Variants in FAM76A observed in about 807,000 individuals in gnomAD.
FAM76A encodes protein FAM76A.
Under a neutral mutation model 46.2 loss-of-function variants are expected in FAM76A, and 32 were observed. The ratio of observed to expected loss-of-function variants is 0.69; its 90% confidence interval spans 0.52 to 0.93. FAM76A has a LOEUF of 0.93. FAM76A is among the 40% of genes least tolerant of loss of function. The pLI is 0.00. For missense variants in FAM76A, 274 were observed against 361.5 expected (o/e 0.76, Z 1.96); for synonymous variants, 137 against 127.0 (o/e 1.08, Z -0.53).
In FAM76A at chr1:27,732,303, G is replaced by A. The variant is rs535284036; in HGVS notation, c.147-300G>A. On this transcript the variant is annotated intron_variant, in intron 2 of 8. Transcript: ENST00000373954. ...AAATTAGTTGGGTGTGGTGGTGCGC[G>A]CCTATGATTCCAGCTACTTGGGAGG... Among the ~76,000 whole-genome samples the A allele has an allele frequency of 3.3e-5, 5 of 152,210 alleles. No individual in the cohort carries two copies. In the East Asian group the frequency reaches 5.8e-4, roughly 18 times the overall value.
chr1:27,737,871 A>AAAAAAAAAAAAAAAAAAAAAAC (rs2088079024), intron 4 of FAM76A, among the ~76,000 whole-genome samples: 1 of 113,538 alleles, frequency 8.8e-6, no homozygotes, highest in Non-Finnish European at 1.6e-5. Context: ...ACAACAACAA[A>AAAAAAAAAAAAAAAAAAAAAAC]AAAAAAAAAA....
intron 2 of FAM76A, among the ~76,000 whole-genome samples, chr1:27,732,267 C>A (rs1291371653): frequency 1.3e-5 from 2 of 152,012 alleles, no homozygotes; most frequent in Non-Finnish European, 1.5e-5. Context: ...TTGTCTCTAT[C>A]AAAAATATAA....
chr1:27,738,484 A>AAAT (rs1231270284), intron 4 of FAM76A, among the ~76,000 whole-genome samples: 1 of 151,694 alleles, frequency 6.6e-6, no homozygotes, highest in East Asian at 1.9e-4. Flanking sequence ...CTCAAAAAAA[A>AAAT]AATAATAATA....
intron 4 of FAM76A, among the ~76,000 whole-genome samples, chr1:27,742,514 G>T (rs142770466): frequency 8.1e-4 from 123 of 152,204 alleles, no homozygotes; most frequent in Middle Eastern, 3.4e-3. Flanking sequence ...TTTCTCTGGG[G>T]ACCATCTTTC....
At chr1:27,735,572 A>G (rs2088030501) in intron 4 of FAM76A, among the ~76,000 whole-genome samples, 1 of 152,200 alleles carries the variant, frequency 6.6e-6, no homozygotes, top group Non-Finnish European at 1.5e-5. Flanking sequence ...TCTATTGACC[A>G]GGATACTCCT....
intron 8 of FAM76A, 41 bp from the exon 9 acceptor site, chr1:27,760,454 G>A: frequency 6.5e-7 from 1 of 1,538,882 alleles, no homozygotes; most frequent in East Asian, 2.3e-5. Context: ...CTTATATCCT[G>A]TTTGAAACAT....
intron 8 of FAM76A, 152 bp downstream of exon 8, chr1:27,759,779 GTT>G (rs542481822): frequency 1.9e-5 from 7 of 363,542 alleles, no homozygotes; most frequent in East Asian, 1.8e-4. Flanking sequence ...TTTTTTTTTT[GTT>G]TTTTTTTTGA....
At chr1:27,757,900 C>T (rs955376491) in intron 7 of FAM76A, among the ~76,000 whole-genome samples, 8 of 151,502 alleles carry the variant, frequency 5.3e-5, no homozygotes, top group African/African-American at 1.2e-4. Flanking sequence ...TGGCGTGAAC[C>T]GGTGAGGCGG....
At chr1:27,747,921 AAAAAATAAAAAT>A (rs1409306567) in intron 5 of FAM76A, among the ~76,000 whole-genome samples, 1 of 151,946 alleles carries the variant, frequency 6.6e-6, no homozygotes, top group Admixed American at 6.6e-5. Context: ...CTCCATCTCA[AAAAAATAAAAAT>A]AAAAATAAAA....
In FAM76A at chr1:27,760,578, A is replaced by T; in HGVS notation, c.921A>T (p.Pro307=). 6.2e-7 allele frequency: 1 copy of T among 1,608,842 alleles called. No individual in the cohort carries two copies. ...KSEKSGAITS[P] is the part of the protein sequence containing the mutation. ...AGAAGTCAGGAGCTATAACCTCTCCATGACAGACCTCAAGGAGGCTCCCTA... is the reference window on the plus strand; with the variant it reads ...AGAAGTCAGGAGCTATAACCTCTCCTTGACAGACCTCAAGGAGGCTCCCTA... Residue 307 remains proline, a synonymous_variant, in exon 9 of 9, where the codon CCA becomes CCT. Coordinates refer to ENST00000373954, the MANE Select transcript of FAM76A (RefSeq NM_152660.3).
chr1:27,751,589 C>T (rs759061862), intron 6 of FAM76A, among the ~76,000 whole-genome samples: 1 of 151,516 alleles, frequency 6.6e-6, no homozygotes, highest in Non-Finnish European at 1.5e-5. Flanking sequence ...ACTGCAGCCT[C>T]GACCTCCTGG....
At chr1:27,745,555 C>T (rs1044128362) in intron 5 of FAM76A, among the ~76,000 whole-genome samples, 2 of 152,128 alleles carry the variant, frequency 1.3e-5, no homozygotes, top group Admixed American at 1.3e-4. Flanking sequence ...GAGCTGAATA[C>T]AAGTCATGCT....
At chr1:27,743,286 G>T (rs1356636419) in intron 4 of FAM76A, among the ~76,000 whole-genome samples, 1 of 152,002 alleles carries the variant, frequency 6.6e-6, no homozygotes, top group Non-Finnish European at 1.5e-5. Context: ...TAGTAGCTGG[G>T]ACTACAGGCA....
chr1:27,739,261 T>G, intron 4 of FAM76A: 1 of 513,930 alleles, frequency 1.9e-6, no homozygotes, highest in South Asian at 1.4e-5. Context: ...GAAGGATGTG[T>G]GTTCGCCTAC....
chr1:27,732,219 C>T (rs948006920), intron 2 of FAM76A, among the ~76,000 whole-genome samples: 2 of 152,148 alleles, frequency 1.3e-5, no homozygotes, highest in African/African-American at 4.8e-5. Context: ...CGCTTGAGGT[C>T]AGGAGTTTGA....
intron 5 of FAM76A, among the ~76,000 whole-genome samples, chr1:27,747,308 A>C (rs537316663): frequency 6.6e-6 from 1 of 152,354 alleles, no homozygotes; most frequent in South Asian, 2.1e-4. Flanking sequence ...GAACTCTACA[A>C]GCATTCAGTA....
intron 7 of FAM76A, among the ~76,000 whole-genome samples, chr1:27,757,763 G>A (rs540872164): frequency 6.6e-6 from 1 of 152,102 alleles, no homozygotes; most frequent in Non-Finnish European, 1.5e-5. Flanking sequence ...GATCACGAGG[G>A]CAGGAGATCA....
intron 7 of FAM76A, among the ~76,000 whole-genome samples, chr1:27,757,726 C>T (rs1162345158): frequency 6.6e-6 from 1 of 151,944 alleles, no homozygotes; most frequent in Non-Finnish European, 1.5e-5. Context: ...CCTGTAATCC[C>T]ACCATTTTGG....
chr1:27,757,185 A>ATTT, intron 7 of FAM76A, among the ~76,000 whole-genome samples: 1 of 108,808 alleles, frequency 9.2e-6, no homozygotes, highest in Non-Finnish European at 1.9e-5. Context: ...TAACTCATTT[A>ATTT]TTCTTTTTTT....
Sources: allele counts gnomAD v4.1 joint callset (sites outside exome capture counted in the v4.1 genomes callset), GRCh38; gene constraint gnomAD v4.1.1; transcripts MANE v1.5; gene names NCBI Gene and HGNC (gene_info 2026-07-23, HGNC 2026-07-21).